Variants in RBMS3 observed in about 807,000 individuals in gnomAD.
RBMS3 encodes the protein RNA binding motif single stranded interacting protein 3.
A neutral mutation model predicts 66.8 loss-of-function variants in RBMS3; 27 were observed. The observed-to-expected ratio is 0.40, with a 90% CI of 0.30 to 0.56. RBMS3 has a LOEUF of 0.56. Ranked by LOEUF, RBMS3 falls within the 20% of genes least tolerant of loss-of-function variation. RBMS3 has a pLI of 0.40. For missense variants in RBMS3, 513 were observed against 549.5 expected (o/e 0.93, Z 0.66); for synonymous variants, 188 against 183.0 (o/e 1.03, Z -0.22).
At chr3:29,894,203 A>G (rs2060069564) in intron 8 of RBMS3, among the ~76,000 whole-genome samples, 1 of 151,448 alleles carries the variant, frequency 6.6e-6, no homozygotes, top group Non-Finnish European at 1.5e-5. Context: ...GATGGCTGCC[A>G]TCTTTTTCAT....
intron 4 of RBMS3, among the ~76,000 whole-genome samples, chr3:29,700,449 C>G (rs2052511170): frequency 6.6e-6 from 1 of 152,182 alleles, no homozygotes; most frequent in African/African-American, 2.4e-5. Context: ...TTTCCTACAT[C>G]TCTTGTAGAG....
chr3:29,663,386 A>C (rs1421814028), intron 4 of RBMS3, among the ~76,000 whole-genome samples: 1 of 152,214 alleles, frequency 6.6e-6, no homozygotes, highest in Admixed American at 6.5e-5. Flanking sequence ...ACTCTGGATT[A>C]TCAGTAATGA....
chr3:29,889,672 CT>C (rs1559771569), intron 8 of RBMS3, among the ~76,000 whole-genome samples: 1 of 151,610 alleles, frequency 6.6e-6, no homozygotes, highest in African/African-American at 2.4e-5. Context: ...GACAATTAGT[CT>C]TTTTTATTGT....
intron 14 of RBMS3, among the ~76,000 whole-genome samples, chr3:29,997,607 G>A (rs1168695066): frequency 6.0e-5 from 9 of 151,234 alleles, no homozygotes; most frequent in East Asian, 1.9e-4. Context: ...GGCAAGGCTG[G>A]TTCAATATAC....
chr3:29,596,955 A>G (rs55633455), intron 4 of RBMS3, among the ~76,000 whole-genome samples: 38,308 of 152,110 alleles, frequency 0.25, 5,926 homozygotes, highest in Non-Finnish European at 0.35. Flanking sequence ...CACTATCCTA[A>G]TGAATTATTC....
chr3:29,638,062 A>T (rs2049539577), intron 4 of RBMS3, among the ~76,000 whole-genome samples: 1 of 151,900 alleles, frequency 6.6e-6, no homozygotes, highest in African/African-American at 2.4e-5. Context: ...TTTCAATAGG[A>T]TACCACATAG....
Position 30,004,929 on chromosome 3 carries a change from A to G in RBMS3, c.*1067A>G. The G allele has an allele frequency of 6.7e-6, 1 of 149,958 alleles. No homozygotes were observed. The highest frequency in any genetic ancestry group is 2.5e-5 in the African/African-American group (1 of 40,352). 9.3% of individuals were successfully genotyped at this position (149,958 alleles called of 1,614,324 possible). On this transcript the variant is annotated 3_prime_UTR_variant, in exon 15 of 15. Coordinates refer to ENST00000383767, the MANE Select transcript of RBMS3 (RefSeq NM_001003793.3). Reference sequence around the variant, plus strand: ...AGTAGATAGGAGCTTATGGTCAAAAAGTGCAAAAAAAAAAACAAAAAAAAA... The same window carrying G: ...AGTAGATAGGAGCTTATGGTCAAAAGGTGCAAAAAAAAAAACAAAAAAAAA...
At chr3:29,501,745 A>G (rs906535786) in intron 3 of RBMS3, among the ~76,000 whole-genome samples, 3 of 152,150 alleles carry the variant, frequency 2.0e-5, no homozygotes, top group African/African-American at 7.2e-5. Flanking sequence ...TAAAGAACCA[A>G]TACCCAAACT....
intron 4 of RBMS3, among the ~76,000 whole-genome samples, chr3:29,701,961 G>C (rs900435682): frequency 1.3e-5 from 2 of 152,218 alleles, no homozygotes; most frequent in African/African-American, 4.8e-5. Flanking sequence ...CTCTGCCCGC[G>C]GCCGTGGCGC....
intron 1 of RBMS3, among the ~76,000 whole-genome samples, chr3:29,336,972 T>G (rs566712477): frequency 2.0e-5 from 3 of 152,300 alleles, no homozygotes; most frequent in African/African-American, 4.8e-5. Context: ...GTATACAGTT[T>G]TAGCAAATCT....
chr3:29,648,261 C>CTTTTTTTTTT lies in RBMS3; in HGVS notation c.399+61057_399+61058insTTTTTTTTTT, dbSNP rs1576434694. Among the ~76,000 whole-genome samples, 20 of 88,120 alleles carry CTTTTTTTTTT rather than the reference C, an allele frequency of 2.3e-4. No individual in the cohort carries two copies. The East Asian group carries it at 2.9e-3, about 13-fold the overall frequency. 57.8% of individuals were successfully genotyped at this position (88,120 alleles called of 152,430 possible). A position where few individuals can be genotyped will look rare whatever the true frequency, so the allele number is the denominator to read the frequency against. ...CTAACATAGGGAAAATAGAAAATGT[C>CTTTTTTTTTT]TATTTTTTTTTTTTTTTTTTTTTTG... On this transcript the variant is annotated intron_variant, in intron 4 of 14. Coordinates refer to ENST00000383767, the MANE Select transcript of RBMS3 (RefSeq NM_001003793.3).
intron 1 of RBMS3, among the ~76,000 whole-genome samples, chr3:29,389,206 G>C (rs899986839): frequency 1.9e-4 from 29 of 151,908 alleles, no homozygotes; most frequent in African/African-American, 6.8e-4. Context: ...CTTAGCCATG[G>C]GTTCTCATTT....
chr3:29,850,045 A>C (rs2058892738), intron 6 of RBMS3, among the ~76,000 whole-genome samples: 1 of 152,220 alleles, frequency 6.6e-6, no homozygotes, highest in African/African-American at 2.4e-5. Context: ...TTTGCAAAGA[A>C]CTGGGACAGA....
At chr3:29,563,196 A>G (rs1164066989) in intron 3 of RBMS3, among the ~76,000 whole-genome samples, 1 of 152,212 alleles carries the variant, frequency 6.6e-6, no homozygotes, top group Non-Finnish European at 1.5e-5. Flanking sequence ...AACCTTCCTG[A>G]AAAGTAACCT....
intron 1 of RBMS3, among the ~76,000 whole-genome samples, chr3:29,406,985 T>C (rs1246145293): frequency 1.3e-5 from 2 of 152,204 alleles, no homozygotes; most frequent in Non-Finnish European, 2.9e-5. Flanking sequence ...GATTACTATT[T>C]TTAAGCTCAT....
intron 4 of RBMS3, among the ~76,000 whole-genome samples, chr3:29,643,007 G>T (rs1410991980): frequency 3.3e-5 from 5 of 152,130 alleles, no homozygotes; most frequent in African/African-American, 1.2e-4. Context: ...TTGTCTGGTA[G>T]CATTTTCTTA....
intron 3 of RBMS3, among the ~76,000 whole-genome samples, chr3:29,535,208 C>T (rs573048688): frequency 2.0e-5 from 3 of 152,044 alleles, no homozygotes; most frequent in Non-Finnish European, 4.4e-5. Flanking sequence ...AGCAATAAAA[C>T]GTATCATCTT....
At chr3:29,713,142 T>C (rs1178439641) in intron 4 of RBMS3, among the ~76,000 whole-genome samples, 1 of 151,970 alleles carries the variant, frequency 6.6e-6, no homozygotes, top group African/African-American at 2.4e-5. Flanking sequence ...TACCACAGAT[T>C]ACATATTCCT....
intron 11 of RBMS3, among the ~76,000 whole-genome samples, chr3:29,936,958 C>A (rs2061282532): frequency 6.6e-6 from 1 of 151,960 alleles, no homozygotes; most frequent in African/African-American, 2.4e-5. Context: ...TTACAGAGAA[C>A]AATGAAACCA....
Sources: allele counts gnomAD v4.1 joint callset (sites outside exome capture counted in the v4.1 genomes callset), GRCh38; gene constraint gnomAD v4.1.1; transcripts MANE v1.5; gene names NCBI Gene and HGNC (gene_info 2026-07-23, HGNC 2026-07-21).